The following SLIT1 variants were observed in gnomAD, a reference collection of about 807,000 sequenced individuals.
SLIT1 encodes the protein slit homolog 1 protein.
SLIT1 carries 66 observed loss-of-function variants against 186.1 expected under a neutral mutation model. The observed-to-expected ratio is 0.35, with a 90% CI of 0.29 to 0.44. The LOEUF (loss-of-function observed/expected upper bound fraction) is 0.44, where lower values mean the gene tolerates loss of function less well. Among genes scored for constraint, SLIT1 ranks in the 20% least tolerant of loss-of-function variants. The pLI is 1.00. For synonymous variants in SLIT1, 761 were observed against 833.8 expected, an observed-to-expected ratio of 0.91 and a Z score of 1.50; for missense variants, 1,638 against 2,037.4, an observed-to-expected ratio of 0.80 and a Z score of 3.77.
chr10:97,113,906 A>T (rs1408147559), intron 4 of SLIT1, among the ~76,000 whole-genome samples: 5 of 152,176 alleles, frequency 3.3e-5, no homozygotes, highest in African/African-American at 1.2e-4. Context: ...CTGACCTGGT[A>T]TAAAGACATG....
At chr10:97,101,265 G>A (rs966574009) in intron 4 of SLIT1, 1 of 152,218 alleles carries the variant, frequency 6.6e-6, no homozygotes, top group African/African-American at 2.4e-5. Context: ...CTTCCTATTG[G>A]ATGGAGCGCT....
intron 4 of SLIT1, among the ~76,000 whole-genome samples, chr10:97,133,800 T>A (rs1849676549): frequency 6.6e-6 from 1 of 152,160 alleles, no homozygotes; most frequent in African/African-American, 2.4e-5. Context: ...GCTGAAGGGT[T>A]TGGGGAGGGA....
At chr10:97,019,534 T>C (rs1347637073) in intron 26 of SLIT1, among the ~76,000 whole-genome samples, 5 of 152,146 alleles carry the variant, frequency 3.3e-5, no homozygotes. Context: ...GGACAGAAGG[T>C]GGTCACCTCG....
At chr10:97,039,014 G>A (rs980947340) in intron 21 of SLIT1, among the ~76,000 whole-genome samples, 1 of 152,182 alleles carries the variant, frequency 6.6e-6, no homozygotes, top group Non-Finnish European at 1.5e-5. Context: ...AGGTTTGTAG[G>A]ACACTAACTC....
chr10:97,150,787 T>C (rs577834138), intron 4 of SLIT1, among the ~76,000 whole-genome samples: 2 of 152,258 alleles, frequency 1.3e-5, no homozygotes, highest in African/African-American at 4.8e-5. Flanking sequence ...GCATGCGTGG[T>C]GGGCGGACAC....
chr10:97,185,805 TGCGGGCTGG>T lies in SLIT1; in HGVS notation c.-140_-132del. 1 of 808,050 alleles carries T rather than the reference TGCGGGCTGG, an allele frequency of 1.2e-6. No homozygotes were observed. The highest frequency in any genetic ancestry group is 2.3e-5 in the South Asian group (1 of 42,592). 50.1% of individuals were successfully genotyped at this position (808,050 alleles called of 1,614,324 possible). A position where few individuals can be genotyped will look rare whatever the true frequency, so the allele number is the denominator to read the frequency against. ...CCCGCGGGCTTGCGCGCGGCGCCCC[TGCGGGCTGG>T]GAGGCACCTTGCTCCTCCAAGCGAC... On this transcript the variant is annotated 5_prime_UTR_variant, in exon 1 of 37. Transcript: ENST00000266058.
chr10:97,006,440 T>A lies in SLIT1; in HGVS notation c.3579+43A>T. 6.9e-7 allele frequency: 1 copy of A among 1,443,348 alleles called. No homozygotes were observed. The allele number at this position is 1,443,348 out of a possible 1,614,324, so 89.4% of individuals were successfully genotyped here. A position where few individuals can be genotyped will look rare whatever the true frequency, so the allele number is the denominator to read the frequency against. On this transcript the variant is annotated intron_variant, in intron 32 of 36. Transcript: ENST00000266058. The surrounding 1 kb of genome is among the most constrained non-coding windows in gnomAD (Gnocchi z 4.0). ...TGCTCTGGCCTAAGCCAGGGTCGCC[T>A]GCTCCCTGACTCCCCTCTGTGACCA...
chr10:97,058,813 T>C (rs558117909), intron 11 of SLIT1, among the ~76,000 whole-genome samples: 1 of 152,360 alleles, frequency 6.6e-6, no homozygotes, highest in East Asian at 1.9e-4. Context: ...CAGGGCACCC[T>C]GAGTGTGCTC....
chr10:97,013,770 G>A lies in SLIT1; in HGVS notation c.3174C>T (p.Ala1058=). The A allele has an allele frequency of 6.4e-7, 1 of 1,551,586 alleles. No individual in the cohort carries two copies. The highest frequency in any genetic ancestry group is 8.7e-7 in the Non-Finnish European group (1 of 1,146,968). Residue 1058 remains alanine (A), a synonymous_variant, in exon 30 of 37, where the codon GCC becomes GCT. Transcript: ENST00000266058. ...SPDLNPCQHE[A]QCVGTPDGPR... ...GCCCATCCGGGGTGCCCACACACTGGGCCTCGTGTTGACATGGGTTCAGAT... is the reference window on the plus strand; with the variant it reads ...GCCCATCCGGGGTGCCCACACACTGAGCCTCGTGTTGACATGGGTTCAGAT...
chr10:97,037,071 T>C (rs1192258009), intron 22 of SLIT1, among the ~76,000 whole-genome samples: 1 of 149,360 alleles, frequency 6.7e-6, no homozygotes, highest in Non-Finnish European at 1.5e-5. Context: ...TGTGTGTGTG[T>C]GTGTGTGTGT....
intron 4 of SLIT1, among the ~76,000 whole-genome samples, chr10:97,093,691 TAA>T (rs1252088173): frequency 6.6e-6 from 1 of 152,214 alleles, no homozygotes; most frequent in African/African-American, 2.4e-5. Context: ...TATCTTAGTT[TAA>T]GTCATCTTTT....
At chr10:97,088,190 A>G (rs1336793331) in intron 4 of SLIT1, among the ~76,000 whole-genome samples, 1 of 151,664 alleles carries the variant, frequency 6.6e-6, no homozygotes, top group Non-Finnish European at 1.5e-5. Flanking sequence ...GGGATTCCAC[A>G]GGGCAGCCAG....
intron 25 of SLIT1, among the ~76,000 whole-genome samples, chr10:97,025,098 T>C (rs1211026574): frequency 6.6e-6 from 1 of 152,058 alleles, no homozygotes. Flanking sequence ...GGTGAAACCT[T>C]GTCTCTATTA....
At chr10:97,041,786 T>A (rs553391064) in intron 20 of SLIT1, among the ~76,000 whole-genome samples, 8 of 152,298 alleles carry the variant, frequency 5.3e-5, no homozygotes, top group South Asian at 2.1e-4. Flanking sequence ...GTAACTTTTT[T>A]AAATCCTCCT....
At chr10:97,035,397 C>A (rs867531313) in intron 22 of SLIT1, among the ~76,000 whole-genome samples, 25 of 152,278 alleles carry the variant, frequency 1.6e-4, no homozygotes, top group African/African-American at 6.0e-4. Context: ...ACTCCGCCCG[C>A]ATCTTGTTCT....
intron 4 of SLIT1, among the ~76,000 whole-genome samples, chr10:97,118,311 T>A (rs776131227): frequency 1.3e-5 from 2 of 152,202 alleles, no homozygotes; most frequent in African/African-American, 2.4e-5. Flanking sequence ...AGTTTTGGGA[T>A]GCCCATGAAC....
chr10:97,052,096 T>TTG (rs905451366), intron 13 of SLIT1, among the ~76,000 whole-genome samples: 7 of 103,298 alleles, frequency 6.8e-5, no homozygotes, highest in African/African-American at 2.1e-4. Context: ...TTCGGTTTTT[T>TTG]TTTGTTTGTT....
At position 97,160,867 on chromosome 10, in the gene SLIT1, C is replaced by T. The variant is rs111260826; in HGVS notation, c.341+2513G>A. ...TCTGGAGTAGCTGGGATTACAGGCACGTACCACTGTGCCTGGCTAATTTTC... is the reference window on the plus strand; with the variant it reads ...TCTGGAGTAGCTGGGATTACAGGCATGTACCACTGTGCCTGGCTAATTTTC... On this transcript the variant is annotated intron_variant, in intron 3 of 36. Transcript: ENST00000266058. Among the ~76,000 whole-genome samples, 287 of 152,228 alleles carry T rather than the reference C, an allele frequency of 1.9e-3. 2 individuals carry two copies. Among genetic ancestry groups the T allele is most frequent in the African/African-American group, 6.6e-3 (276 of 41,532 alleles).
chr10:97,037,743 G>A lies in SLIT1; in HGVS notation c.2321C>T (p.Thr774Met), dbSNP rs767997642. 29 of 1,608,518 alleles carry A rather than the reference G, an allele frequency of 1.8e-5. No homozygotes were observed. The highest frequency in any genetic ancestry group is 8.0e-5 in the African/African-American group (6 of 74,838). Residue 774 changes from threonine (T) to methionine (M), a missense_variant, in exon 22 of 37, where the codon ACG (threonine) becomes ATG (methionine). Coordinates refer to ENST00000266058, the MANE Select transcript of SLIT1 (RefSeq NM_003061.3). ...GGTAGACAGCTGTCCCGGAACCAGC[G>A]TGAACTGGTTCCCGTCCAAATAGCT... ...TELYLDGNQF[T>M]LVPGQLSTFK...
Sources: gnomAD v4.1 joint callset for allele counts (sites outside exome capture counted in the v4.1 genomes callset) on GRCh38, gnomAD v4.1.1 for gene constraint, Gnocchi (gnomAD v3.1) non-coding constraint, MANE v1.5 for transcripts, NCBI Gene and HGNC (gene_info 2026-07-23, HGNC 2026-07-21) for gene names.